Variants in TNKS observed in about 807,000 individuals in gnomAD.
The protein encoded by TNKS is poly [ADP-ribose] polymerase tankyrase-1.
TNKS carries 72 observed loss-of-function variants against 135.8 expected under a neutral mutation model. The ratio of observed to expected loss-of-function variants is 0.53; its 90% confidence interval spans 0.44 to 0.64. TNKS has a LOEUF of 0.64. TNKS is among the 30% of genes least tolerant of loss of function. TNKS has a pLI of 0.00. For synonymous variants in TNKS, 849 were observed against 649.3 expected, an observed-to-expected ratio of 1.31 and a Z score of -4.68; for missense variants, 1,769 against 1,674.0, an observed-to-expected ratio of 1.06 and a Z score of -0.99.
chr8:9,586,286 A>G (rs1416957235), intron 2 of TNKS, among the ~76,000 whole-genome samples: 1 of 152,178 alleles, frequency 6.6e-6, no homozygotes, highest in Admixed American at 6.5e-5. Context: ...CTATATAAAG[A>G]TAGTATTATT....
At chr8:9,690,213 T>C (rs982028724) in intron 5 of TNKS, among the ~76,000 whole-genome samples, 6 of 152,346 alleles carry the variant, frequency 3.9e-5, no homozygotes, top group Admixed American at 2.0e-4. Flanking sequence ...CACCACACGT[T>C]TTAATTCTTC....
At chr8:9,599,227 C>T (rs917083267) in intron 2 of TNKS, among the ~76,000 whole-genome samples, 1 of 152,084 alleles carries the variant, frequency 6.6e-6, no homozygotes, top group African/African-American at 2.4e-5. Context: ...ATCAGTTTAC[C>T]TTTATTTCAA....
At chr8:9,656,355 G>A (rs1369560628) in intron 3 of TNKS, among the ~76,000 whole-genome samples, 3 of 152,134 alleles carry the variant, frequency 2.0e-5, no homozygotes, top group Non-Finnish European at 2.9e-5. Flanking sequence ...ACCTAGCAAG[G>A]CAGGCCAACA....
intron 26 of TNKS, among the ~76,000 whole-genome samples, chr8:9,772,694 T>TA (rs1807982745): frequency 6.6e-6 from 1 of 152,056 alleles, no homozygotes; most frequent in South Asian, 2.1e-4. Flanking sequence ...ATTCTGTACT[T>TA]ACGTAAGGCA....
At position 9,708,486 on chromosome 8, in the gene TNKS, A is replaced by G; in HGVS notation, c.1572A>G (p.Thr524=). The change falls in exon 9 of 27, where the codon ACA becomes ACG. Residue 524 remains threonine (T), a synonymous_variant. Transcript: ENST00000310430. ...INFKQPQSHE[T]ALHCAVASLH... ...TCAAACAACCGCAGTCTCATGAAACAGCACTGGTAAGATTTTATTGTTAAT... is the reference window on the plus strand; with the variant it reads ...TCAAACAACCGCAGTCTCATGAAACGGCACTGGTAAGATTTTATTGTTAAT... The G allele has an allele frequency of 1.9e-6, 3 of 1,596,206 alleles. No homozygotes were observed. Among genetic ancestry groups the G allele is most frequent in the Non-Finnish European group, 2.6e-6 (3 of 1,172,164 alleles).
At chr8:9,567,965 G>C (rs1797611723) in intron 1 of TNKS, among the ~76,000 whole-genome samples, 2 of 152,158 alleles carry the variant, frequency 1.3e-5, no homozygotes. Flanking sequence ...GGGTATCATA[G>C]TGGACATTTT....
intron 1 of TNKS, among the ~76,000 whole-genome samples, chr8:9,560,195 C>G (rs959372027): frequency 6.6e-6 from 1 of 151,940 alleles, no homozygotes; most frequent in African/African-American, 2.4e-5. Context: ...GAAGACGTCT[C>G]TTTTTATAGA....
At position 9,736,093 on chromosome 8, in the gene TNKS, T is replaced by A. The variant is rs1339695116; in HGVS notation, c.2643+607T>A. On this transcript the variant is annotated intron_variant, in intron 17 of 26. Coordinates refer to ENST00000310430, the MANE Select transcript of TNKS (RefSeq NM_003747.3). ...TATCAATATTGTAATATAATATATA[T>A]AATGTAAAATAATATAATAAATACC... Among the ~76,000 whole-genome samples, 14 of 148,880 alleles carry A rather than the reference T, an allele frequency of 9.4e-5. No individual in the cohort carries two copies. In the East Asian group the frequency reaches 2.7e-3, roughly 29 times the overall value.
chr8:9,740,029 C>T (rs1585399661), intron 17 of TNKS, among the ~76,000 whole-genome samples: 2 of 87,106 alleles, frequency 2.3e-5, no homozygotes, highest in South Asian at 4.8e-4. Context: ...ACAATGTGCA[C>T]ATGTACCCTA....
chr8:9,561,035 A>C (rs1252714990), intron 1 of TNKS, among the ~76,000 whole-genome samples: 1 of 152,194 alleles, frequency 6.6e-6, no homozygotes, highest in Non-Finnish European at 1.5e-5. Context: ...CCAACTGTTC[A>C]ACAATAGAGA....
At position 9,706,888 on chromosome 8, in the gene TNKS, A is replaced by G; in HGVS notation, c.1347A>G (p.Glu449=). 5 of 1,614,106 alleles carry G rather than the reference A, an allele frequency of 3.1e-6. No individual in the cohort carries two copies. The highest frequency in any genetic ancestry group is 4.2e-6 in the Non-Finnish European group (5 of 1,179,978). Residue 449 remains glutamate (E), a synonymous_variant, in exon 8 of 27, where the codon GAA becomes GAG. Transcript: ENST00000310430. ...AGGCTGCTTCCAAGAACCGTGTAGA[A>G]GTCTGCTCTTTGTTACTTAGCCATG... ...LHEAASKNRV[E]VCSLLLSHGA...
chr8:9,615,748 A>G, intron 3 of TNKS, 71 bp downstream of exon 3: 3 of 1,285,062 alleles, frequency 2.3e-6, no homozygotes, highest in Non-Finnish European at 3.2e-6. Flanking sequence ...AAATCTTGTT[A>G]TGCTGAATTT....
At chr8:9,735,137 AC>A in intron 16 of TNKS, 53 bp downstream of exon 16, 2 of 1,532,242 alleles carry the variant, frequency 1.3e-6, no homozygotes, top group Non-Finnish European at 1.8e-6. Context: ...GACACCTAAT[AC>A]AGTTTACTAA....
chr8:9,594,231 T>C (rs972306023), intron 2 of TNKS, among the ~76,000 whole-genome samples: 1 of 152,188 alleles, frequency 6.6e-6, no homozygotes. Flanking sequence ...TTAACAACTT[T>C]CTGGGTTTTT....
chr8:9,770,213 G>A lies in TNKS; in HGVS notation c.3848G>A (p.Ser1283Asn). Residue 1283 changes from serine (S) to asparagine (N), a missense_variant, in exon 26 of 27, where the codon AGC (serine) becomes AAC (asparagine). Ser to Asn is a conservative substitution (Grantham distance 46). Coordinates refer to ENST00000310430, the MANE Select transcript of TNKS (RefSeq NM_003747.3). ...CACCACTCAGTCATTGGTAGACCGA[G>A]CGTCAATGGGCTGGCATATGCTGAA... ...PGHHSVIGRP[S>N]VNGLAYAEYV... 2 of 1,613,426 alleles carry A rather than the reference G, an allele frequency of 1.2e-6. No homozygotes were observed. Among genetic ancestry groups the A allele is most frequent in the African/African-American group, 1.3e-5 (1 of 75,034 alleles).
intron 2 of TNKS, among the ~76,000 whole-genome samples, chr8:9,582,384 ATTT>A (rs1798199094): frequency 6.6e-6 from 1 of 152,014 alleles, no homozygotes; most frequent in African/African-American, 2.4e-5. Context: ...TACAAAATTG[ATTT>A]TTAAAAGGTT....
Position 9,778,812 on chromosome 8 carries a change from G to A in TNKS, c.*2076G>A, listed in dbSNP as rs551451475. 5 of 152,170 alleles carry A rather than the reference G, an allele frequency of 3.3e-5. No individual in the cohort carries two copies. Among genetic ancestry groups the A allele is most frequent in the African/African-American group, 4.8e-5 (2 of 41,436 alleles). The allele number at this position is 152,170 out of a possible 1,614,324, so 9.4% of individuals were successfully genotyped here. ...GTAGTTTAAAATGGTAAACACAGCT[G>A]TGATTTTTAGTTAAGTAAAAGAGTT... On this transcript the variant is annotated 3_prime_UTR_variant, in exon 27 of 27. Transcript: ENST00000310430.
At chr8:9,627,660 G>A (rs942996104) in intron 3 of TNKS, among the ~76,000 whole-genome samples, 27 of 151,210 alleles carry the variant, frequency 1.8e-4, no homozygotes, top group African/African-American at 6.6e-4. Flanking sequence ...TGGTGCCAGA[G>A]CAGAGGCAAA....
chr8:9,575,368 C>T (rs571750157), intron 1 of TNKS: 25 of 985,036 alleles, frequency 2.5e-5, no homozygotes, highest in East Asian at 1.1e-4. Flanking sequence ...TGAGCCACCG[C>T]GCCCGGCGGA....
Sources: gnomAD v4.1 joint callset for allele counts (sites outside exome capture counted in the v4.1 genomes callset) on GRCh38, gnomAD v4.1.1 for gene constraint, MANE v1.5 for transcripts, NCBI Gene and HGNC (gene_info 2026-07-23, HGNC 2026-07-21) for gene names.